ENTREP2: variants seen among roughly 807,000 people sequenced by gnomAD.
ENTREP2 encodes the protein endosomal transmembrane epsin interactor 2.
the ENTREP2 span, among the ~76,000 whole-genome samples, chr15:29,303,701 T>C: frequency 1.3e-5 from 2 of 148,428 alleles, no homozygotes; most frequent in Non-Finnish European, 3.0e-5. Context: ...TGTGTCCATG[T>C]GTACCCAATG....
chr15:29,163,583 G>C, the ENTREP2 span, among the ~76,000 whole-genome samples: 6 of 151,964 alleles, frequency 3.9e-5, no homozygotes, highest in Non-Finnish European at 7.4e-5. Context: ...TCAAAGACAA[G>C]GTCTTTGAAT....
chr15:29,245,285 A>G, the ENTREP2 span, among the ~76,000 whole-genome samples: 36 of 152,214 alleles, frequency 2.4e-4, no homozygotes, highest in Non-Finnish European at 4.3e-4. Context: ...TTAGAAAACT[A>G]TAAAAGTGTA....
At chr15:29,609,092 T>A in the ENTREP2 span, among the ~76,000 whole-genome samples, 1 of 140,670 alleles carries the variant, frequency 7.1e-6, no homozygotes, top group East Asian at 2.4e-4. Flanking sequence ...GTTGGCCATT[T>A]ATATATGCTA....
chr15:29,430,201 C>G, the ENTREP2 span, among the ~76,000 whole-genome samples: 1 of 152,146 alleles, frequency 6.6e-6, no homozygotes, highest in Admixed American at 6.5e-5. Flanking sequence ...AAAGGCTCCT[C>G]CCATGGCTGG....
chr15:29,242,184 C>A, the ENTREP2 span, among the ~76,000 whole-genome samples: 4 of 152,144 alleles, frequency 2.6e-5, no homozygotes, highest in Admixed American at 6.5e-5. Context: ...GTCCCCCTGC[C>A]CCCGGTTCAA....
At chr15:29,252,978 G>GC in the ENTREP2 span, among the ~76,000 whole-genome samples, 1 of 152,122 alleles carries the variant, frequency 6.6e-6, no homozygotes, top group Non-Finnish European at 1.5e-5. Flanking sequence ...TTCATTTACA[G>GC]CCCCTACCAT....
chr15:29,546,953 A>G, the ENTREP2 span, among the ~76,000 whole-genome samples: 1 of 151,750 alleles, frequency 6.6e-6, no homozygotes, highest in Middle Eastern at 3.4e-3. Flanking sequence ...GAAAATTTTA[A>G]TAATAAAAAA....
At chr15:29,433,885 G>A in the ENTREP2 span, among the ~76,000 whole-genome samples, 1 of 151,566 alleles carries the variant, frequency 6.6e-6, no homozygotes, top group Non-Finnish European at 1.5e-5. Context: ...CAAAAAGCAC[G>A]TCATTCACCT....
At chr15:29,657,492 G>C in the ENTREP2 span, among the ~76,000 whole-genome samples, 3 of 135,290 alleles carry the variant, frequency 2.2e-5, no homozygotes, top group Admixed American at 7.1e-5. Flanking sequence ...GCGGGGGGGG[G>C]GGGTGGCCAG....
chr15:29,331,716 C>T, the ENTREP2 span, among the ~76,000 whole-genome samples: 533 of 152,334 alleles, frequency 3.5e-3, 30 homozygotes, highest in East Asian at 0.091. Flanking sequence ...AAGTCACTTG[C>T]CCTTGCAGGC....
chr15:29,486,412 C>T, the ENTREP2 span, among the ~76,000 whole-genome samples: 17 of 152,216 alleles, frequency 1.1e-4, no homozygotes, highest in South Asian at 8.3e-4. Flanking sequence ...AAATCCTGTC[C>T]GGGCACAGTG....
chr15:29,161,236 G>A, the ENTREP2 span, among the ~76,000 whole-genome samples: 2 of 152,182 alleles, frequency 1.3e-5, no homozygotes, highest in South Asian at 4.1e-4. Flanking sequence ...TGAGGAAGGA[G>A]GTAACGTCTC....
At chr15:29,444,160 GAAAGACAGAC>G in the ENTREP2 span, among the ~76,000 whole-genome samples, 13,645 of 105,232 alleles carry the variant, frequency 0.13, 2,009 homozygotes, top group Non-Finnish European at 0.15. Flanking sequence ...CAGACAGAAA[GAAAGACAGAC>G]AAAGAAAGAA....
the ENTREP2 span, among the ~76,000 whole-genome samples, chr15:29,409,220 T>A: frequency 7.9e-5 from 12 of 152,212 alleles, no homozygotes; most frequent in African/African-American, 2.7e-4. Flanking sequence ...ACAATTATGG[T>A]TTCATCCCTT....
At chr15:29,325,853 T>C in the ENTREP2 span, among the ~76,000 whole-genome samples, 1,863 of 152,232 alleles carry the variant, frequency 0.012, 46 homozygotes, top group African/African-American at 0.043. Context: ...AACAAAATAT[T>C]AGCAAGACTA....
At chr15:29,452,984 C>G in the ENTREP2 span, among the ~76,000 whole-genome samples, 1 of 152,074 alleles carries the variant, frequency 6.6e-6, no homozygotes, top group Non-Finnish European at 1.5e-5. Context: ...GAAATTAAAC[C>G]GGAGGAGGCA....
At chr15:29,444,180 AAGAAAG>A in the ENTREP2 span, among the ~76,000 whole-genome samples, 1 of 70,422 alleles carries the variant, frequency 1.4e-5, no homozygotes, top group Non-Finnish European at 2.9e-5. Flanking sequence ...CAAAGAAAGA[AAGAAAG>A]AAAGAAAGAA....
At chr15:29,623,893 G>T in the ENTREP2 span, among the ~76,000 whole-genome samples, 7 of 152,050 alleles carry the variant, frequency 4.6e-5, no homozygotes, top group Admixed American at 1.3e-4. Context: ...CCACCACTAC[G>T]CCCAGCTAAG....
chr15:29,567,922 C>A, the ENTREP2 span, among the ~76,000 whole-genome samples: 3 of 152,164 alleles, frequency 2.0e-5, no homozygotes, highest in Admixed American at 6.5e-5. Flanking sequence ...CAGCCCTAAG[C>A]CCCACAGTAT....
Sources: allele counts gnomAD v4.1 joint callset (sites outside exome capture counted in the v4.1 genomes callset), GRCh38; gene constraint gnomAD v4.1.1; transcripts MANE v1.5; gene names NCBI Gene and HGNC (gene_info 2026-07-23, HGNC 2026-07-21).